GPAM: variants seen among roughly 807,000 people sequenced by gnomAD.
GPAM encodes glycerol-3-phosphate acyltransferase, mitochondrial, also known as glycerol-3-phosphate acyltransferase 1, mitochondrial.
In GPAM, 56 loss-of-function variants were observed where a neutral mutation model predicts 105.0. That is an observed-to-expected ratio of 0.53 (90% confidence interval 0.43 to 0.67). The LOEUF (loss-of-function observed/expected upper bound fraction) is 0.67. Among genes scored for constraint, GPAM ranks in the 30% least tolerant of loss-of-function variants. The pLI, the probability that GPAM is intolerant of heterozygous loss-of-function variation, is 0.00. For synonymous variants in GPAM, 368 were observed against 354.4 expected (o/e 1.04, Z -0.43); for missense variants, 855 against 989.8 (o/e 0.86, Z 1.83).
intron 1 of GPAM, among the ~76,000 whole-genome samples, chr10:112,203,211 C>G (rs1023445968): frequency 6.6e-6 from 1 of 152,082 alleles, no homozygotes; most frequent in African/African-American, 2.4e-5. Flanking sequence ...CTGGGGTAGC[C>G]CTAGGTATTT....
intron 13 of GPAM, 125 bp from the exon 14 acceptor site, chr10:112,163,941 G>C (rs1847170092): frequency 1.4e-6 from 1 of 692,846 alleles, no homozygotes; most frequent in Non-Finnish European, 2.6e-6. Context: ...ACCACAAACA[G>C]ATTATTTCTA....
Position 112,150,913 on chromosome 10 carries a change from C to A in GPAM, c.*2637G>T. The A allele has an allele frequency of 1.0e-6, 1 of 985,272 alleles. No homozygotes were observed. Among genetic ancestry groups the A allele is most frequent in the Non-Finnish European group, 1.2e-6 (1 of 829,752 alleles). The allele number at this position is 985,272 out of a possible 1,614,324, so 61.0% of individuals were successfully genotyped here. A position where few individuals can be genotyped will look rare whatever the true frequency, so the allele number is the denominator to read the frequency against. On this transcript the variant is annotated 3_prime_UTR_variant, in exon 22 of 22. Coordinates refer to ENST00000348367, the MANE Select transcript of GPAM (RefSeq NM_001244949.2). ...TCCCAGAAATATTTTCTCCATTTAC[C>A]CTCATGACTTTGTGAAATTTAACAG...
intron 1 of GPAM, among the ~76,000 whole-genome samples, chr10:112,190,733 A>C (rs1589603523): frequency 6.6e-6 from 1 of 152,282 alleles, no homozygotes; most frequent in African/African-American, 2.4e-5. Flanking sequence ...TGGACTGCTA[A>C]TTGCATTACC....
At chr10:112,172,505 A>G (rs1251681365) in intron 8 of GPAM, among the ~76,000 whole-genome samples, 187 bp from the exon 9 acceptor site, 3 of 152,240 alleles carry the variant, frequency 2.0e-5, no homozygotes, top group East Asian at 1.9e-4. Flanking sequence ...AAGAGCAACT[A>G]TAACAACAGA....
At chr10:112,169,973 C>G (rs1393563093) in intron 9 of GPAM, among the ~76,000 whole-genome samples, 1 of 152,222 alleles carries the variant, frequency 6.6e-6, no homozygotes, top group Non-Finnish European at 1.5e-5. Context: ...TGATCTGTCA[C>G]TGTCTCCTAT....
rs1847105682 is a variant in GPAM, at chr10:112,160,650, G to C, written c.1713C>G (p.Phe571Leu). 1 of 1,613,280 alleles carries C rather than the reference G, an allele frequency of 6.2e-7. No homozygotes were observed. The highest frequency in any genetic ancestry group is 1.7e-5 in the Admixed American group (1 of 59,998). ...TTVPSVFELN[F>L]YSNGVLHVFI... is the part of the protein sequence containing the mutation. ...AGACATGAAGTACCCCATTGCTGTA[G>C]AAGTTGAGTTCGAAGACTGATGGGA... is the stretch of plus-strand genomic sequence containing the variant. The change falls in exon 16 of 22, where the codon TTC (phenylalanine) becomes TTG (leucine). Residue 571 changes from phenylalanine to leucine, a missense_variant. Coordinates refer to ENST00000348367, the MANE Select transcript of GPAM (RefSeq NM_001244949.2).
intron 15 of GPAM, 96 bp downstream of exon 15, chr10:112,161,571 A>G (rs1020660111): frequency 1.1e-6 from 1 of 928,976 alleles, no homozygotes; most frequent in Non-Finnish European, 1.8e-6. Context: ...AGTACTAGCC[A>G]TGAGTGGGCC....
chr10:112,184,656 G>A (rs1431249931), upstream of GPAM, among the ~76,000 whole-genome samples: 3 of 152,208 alleles, frequency 2.0e-5, no homozygotes, highest in Non-Finnish European at 4.4e-5. Context: ...GGTCCTTGAG[G>A]AGGGAAAACA....
chr10:112,185,487 T>TTA (rs1554847599), upstream of GPAM, among the ~76,000 whole-genome samples: 1 of 140,062 alleles, frequency 7.1e-6, no homozygotes, highest in Non-Finnish European at 1.5e-5. Context: ...GAAAAATCTT[T>TTA]AAAAAAAAAA....
chr10:112,170,637 T>C (rs1216958056), intron 9 of GPAM, among the ~76,000 whole-genome samples: 1 of 150,814 alleles, frequency 6.6e-6, no homozygotes, highest in Admixed American at 6.7e-5. Context: ...TCCTGATGAC[T>C]TTCTAATTCA....
intron 20 of GPAM, chr10:112,155,615 A>G: frequency 4.9e-6 from 2 of 411,494 alleles, no homozygotes; most frequent in South Asian, 2.6e-5. Flanking sequence ...CTACACAACA[A>G]GAACAAAGGA....
intron 1 of GPAM, among the ~76,000 whole-genome samples, chr10:112,204,810 T>C (rs1040426819): frequency 5.4e-5 from 8 of 147,068 alleles, no homozygotes; most frequent in Admixed American, 4.1e-4. Context: ...TTGGAAGTTC[T>C]GGCCAGGGCA....
rs771317073 is a variant in GPAM at position 112,173,064 on chromosome 10, A to G, written c.563T>C (p.Leu188Pro). The change falls in exon 8 of 22, where the codon CTG (leucine) becomes CCG (proline). Residue 188 changes from leucine to proline, a missense_variant and splice_region_variant. By Grantham distance (98) the Leu-to-Pro change is moderately conservative. Transcript: ENST00000348367. ...VATVSPAMIR[L>P]TGWVLLKLFN... ...CAGTTTTAGCAGCACCCACCCAGTC[A>G]GTCTGAAACAAAGTACAAACAAAAA... is the stretch of plus-strand genomic sequence containing the variant. 10 of 1,572,166 alleles carry G rather than the reference A, an allele frequency of 6.4e-6. No homozygotes were observed. The Admixed American group carries it at 1.7e-4, about 26-fold the overall frequency.
chr10:112,214,389 C>A (rs2133310615), intron 1 of GPAM: 1 of 152,330 alleles, frequency 6.6e-6, no homozygotes, highest in South Asian at 2.1e-4. Flanking sequence ...ATCGTATCTT[C>A]CCCTCTGCTG....
chr10:112,196,578 C>T (rs534330812), intron 1 of GPAM, among the ~76,000 whole-genome samples: 1 of 152,262 alleles, frequency 6.6e-6, no homozygotes, highest in South Asian at 2.1e-4. Context: ...ATCTGAATTA[C>T]CTTATATAAA....
At chr10:112,213,394 A>T (rs114702693) in intron 1 of GPAM, among the ~76,000 whole-genome samples, 1 of 152,150 alleles carries the variant, frequency 6.6e-6, no homozygotes, top group African/African-American at 2.4e-5. Flanking sequence ...TAATAAGATA[A>T]AGCCCTTAGA....
At chr10:112,220,501 T>C in the GPAM span, among the ~76,000 whole-genome samples, 46 of 152,166 alleles carry the variant, frequency 3.0e-4, no homozygotes, top group Non-Finnish European at 1.3e-4. Flanking sequence ...TATCTTTGCT[T>C]TTAGCTATAT....
chr10:112,150,773 T>C lies in GPAM; in HGVS notation c.*2777A>G. 1.0e-6 allele frequency: 1 copy of C among 985,354 alleles called. No homozygotes were observed. The highest frequency in any genetic ancestry group is 1.2e-6 in the Non-Finnish European group (1 of 829,878). The allele number at this position is 985,354 out of a possible 1,614,324, so 61.0% of individuals were successfully genotyped here. On this transcript the variant is annotated 3_prime_UTR_variant, in exon 22 of 22. Coordinates refer to ENST00000348367, the MANE Select transcript of GPAM (RefSeq NM_001244949.2). ...TGGTTTCCCAGCAACACCATTTCTATAAAACACTGATGAACATCTCACAGA... is the reference window on the plus strand; with the variant it reads ...TGGTTTCCCAGCAACACCATTTCTACAAAACACTGATGAACATCTCACAGA...
chr10:112,224,301 T>A, the GPAM span, among the ~76,000 whole-genome samples: 2 of 152,210 alleles, frequency 1.3e-5, no homozygotes, highest in African/African-American at 2.4e-5. Context: ...ATGATCATGG[T>A]TATTTTTTTG....
Sources: gnomAD v4.1 joint callset for allele counts (sites outside exome capture counted in the v4.1 genomes callset) on GRCh38, gnomAD v4.1.1 for gene constraint, MANE v1.5 for transcripts, NCBI Gene and HGNC (gene_info 2026-07-23, HGNC 2026-07-21) for gene names.